RFX6: variants seen among roughly 807,000 people sequenced by gnomAD.
RFX6 encodes regulatory factor X6, also known as DNA-binding protein RFX6.
Under a neutral mutation model 110.8 loss-of-function variants are expected in RFX6, and 50 were observed. That is an observed-to-expected ratio of 0.45 (90% confidence interval 0.36 to 0.57). RFX6 has a LOEUF of 0.57. RFX6 is among the 20% of genes least tolerant of loss of function. The probability of loss-of-function intolerance (pLI) is 0.00; values close to 1 mark genes in which losing one functional copy is unlikely to be tolerated. For synonymous variants in RFX6, 383 were observed against 411.2 expected (o/e 0.93, Z 0.83); for missense variants, 990 against 1,127.0 (o/e 0.88, Z 1.74).
intron 2 of RFX6, among the ~76,000 whole-genome samples, chr6:116,878,153 A>G (rs1009361179): frequency 3.9e-5 from 6 of 152,232 alleles, no homozygotes; most frequent in Non-Finnish European, 5.9e-5. Flanking sequence ...AGGATTTGCA[A>G]TACAAATGAA....
chr6:116,887,394 C>T (rs1454801289), intron 4 of RFX6, among the ~76,000 whole-genome samples: 1 of 152,132 alleles, frequency 6.6e-6, no homozygotes, highest in African/African-American at 2.4e-5. Flanking sequence ...GCTTACCATC[C>T]CCTGCCAGCC....
chr6:116,898,328 G>A (rs956127525), intron 6 of RFX6, among the ~76,000 whole-genome samples: 4 of 151,932 alleles, frequency 2.6e-5, no homozygotes, highest in African/African-American at 9.7e-5. Flanking sequence ...TGGGATTTGG[G>A]ATTTTTTGTT....
At chr6:116,915,508 C>T (rs2114692679) in intron 7 of RFX6, among the ~76,000 whole-genome samples, 1 of 152,006 alleles carries the variant, frequency 6.6e-6, no homozygotes, top group East Asian at 1.9e-4. Flanking sequence ...AGGTGGGCAC[C>T]CAAGTTGAGC....
At chr6:116,897,675 T>C (rs1467009482) in intron 6 of RFX6, among the ~76,000 whole-genome samples, 2 of 152,176 alleles carry the variant, frequency 1.3e-5, no homozygotes, top group Non-Finnish European at 2.9e-5. Flanking sequence ...AGTAGATCCA[T>C]TGGAGGCTAT....
intron 4 of RFX6, among the ~76,000 whole-genome samples, chr6:116,889,038 T>C (rs1774761181): frequency 6.6e-6 from 1 of 152,118 alleles, no homozygotes; most frequent in Non-Finnish European, 1.5e-5. Flanking sequence ...TTTTGTTGGC[T>C]CCAGAAGAAA....
intron 6 of RFX6, among the ~76,000 whole-genome samples, chr6:116,905,545 CAA>C: frequency 6.6e-6 from 1 of 150,988 alleles, no homozygotes; most frequent in Admixed American, 6.6e-5. Context: ...CTTTTATGAA[CAA>C]AAGTGTTTCT....
Position 116,915,999 on chromosome 6 carries a change from T to G in RFX6, c.781-9T>G. The G allele has an allele frequency of 1.9e-6, 3 of 1,597,174 alleles. No homozygotes were observed. Among genetic ancestry groups the G allele is most frequent in the Non-Finnish European group, 2.6e-6 (3 of 1,165,424 alleles). On this transcript the variant is annotated splice_polypyrimidine_tract_variant and intron_variant, in intron 7 of 18. Coordinates refer to ENST00000332958, the MANE Select transcript of RFX6 (RefSeq NM_173560.4). The stretch of plus-strand genomic sequence containing the variant: ...ATGCTTTGGTTAAGCTTTTTCTTCC[T>G]TGAAATAGGTTGATACGCTCATAAT...
intron 7 of RFX6, among the ~76,000 whole-genome samples, chr6:116,915,646 TTAC>T (rs1775445272): frequency 6.6e-6 from 1 of 152,124 alleles, no homozygotes; most frequent in Non-Finnish European, 1.5e-5. Context: ...GTTACTACTT[TTAC>T]TACTTTATGT....
chr6:116,900,398 G>C (rs532827946), intron 6 of RFX6, among the ~76,000 whole-genome samples: 1 of 152,110 alleles, frequency 6.6e-6, no homozygotes, highest in Non-Finnish European at 1.5e-5. Context: ...GGGATTACAG[G>C]CGTGCGCCGC....
In RFX6 at chr6:116,882,430, T is replaced by C; in HGVS notation, c.566+2T>C. The C allele has an allele frequency of 6.2e-7, 1 of 1,606,674 alleles. No homozygotes were observed. The highest frequency in any genetic ancestry group is 8.5e-7 in the Non-Finnish European group (1 of 1,173,412). On this transcript the variant is annotated splice_donor_variant, in intron 4 of 18. Coordinates refer to ENST00000332958, the MANE Select transcript of RFX6 (RefSeq NM_173560.4). LOFTEE classifies it high-confidence loss of function. ...GCTTGGAACAAGAGGCCATTCAAAGTAAGATACCAGTGAACATATTCAGGT... is the reference window on the plus strand; with the variant it reads ...GCTTGGAACAAGAGGCCATTCAAAGCAAGATACCAGTGAACATATTCAGGT...
intron 12 of RFX6, 67 bp from the exon 13 acceptor site, chr6:116,921,975 C>A: frequency 1.3e-6 from 1 of 765,878 alleles, no homozygotes; most frequent in South Asian, 1.5e-5. Context: ...TAGGTTTTCT[C>A]TTGGATTCCA....
At chr6:116,920,265 T>G (rs1775563653) in intron 11 of RFX6, 45 bp from the exon 12 acceptor site, 1 of 1,505,820 alleles carries the variant, frequency 6.6e-7, no homozygotes, top group African/African-American at 1.4e-5. Context: ...TCTAGATACA[T>G]TAGAAATGAT....
Position 116,928,860 on chromosome 6 carries a change from T to C in RFX6, c.2500T>C (p.Tyr834His), listed in dbSNP as rs369287340. 6.2e-7 allele frequency: 1 copy of C among 1,612,418 alleles called. No individual in the cohort carries two copies. The highest frequency in any genetic ancestry group is 1.3e-5 in the African/African-American group (1 of 74,890). The change falls in exon 18 of 19, where the codon TAC becomes CAC. Residue 834 changes from tyrosine (Y) to histidine (H), a missense_variant. Tyr to His is a moderately conservative substitution (Grantham distance 83). Coordinates refer to ENST00000332958, the MANE Select transcript of RFX6 (RefSeq NM_173560.4). ...CAGCAGCATTCGTTCACTGCCCCCC[T>C]ACAGTGACATCCACGATCCACTTAA... ...VISSIRSLPP[Y>H]SDIHDPLNIL...
rs1413815672 is a variant in RFX6, at chr6:116,910,918, A to C, written c.673-17A>C. 3.2e-6 allele frequency: 5 copies of C among 1,564,734 alleles called. No homozygotes were observed. Among genetic ancestry groups the C allele is most frequent in the Non-Finnish European group, 4.4e-6 (5 of 1,135,394 alleles). ...AGTTGATAATGATGTATTTGTTTTC[A>C]TTTTTCTAAATTATAGGGTGGCTTC... On this transcript the variant is annotated splice_polypyrimidine_tract_variant and intron_variant, in intron 6 of 18. Transcript: ENST00000332958.
chr6:116,931,060 G>A (rs1476144954), intron 18 of RFX6, among the ~76,000 whole-genome samples: 2 of 152,026 alleles, frequency 1.3e-5, no homozygotes, highest in African/African-American at 4.8e-5. Context: ...GGAAAGAGGA[G>A]GTTGATTGGG....
intron 3 of RFX6, 105 bp downstream of exon 3, chr6:116,880,772 C>G: frequency 7.8e-7 from 1 of 1,289,592 alleles, no homozygotes; most frequent in Non-Finnish European, 1.1e-6. Context: ...AATATTGAGA[C>G]ATTTGTTTTG....
Position 116,931,664 on chromosome 6 carries a change from T to A in RFX6, c.*158T>A. 1 of 609,916 alleles carries A rather than the reference T, an allele frequency of 1.6e-6. No individual in the cohort carries two copies. The allele number at this position is 609,916 out of a possible 1,614,324, so 37.8% of individuals were successfully genotyped here. A position where few individuals can be genotyped will look rare whatever the true frequency, so the allele number is the denominator to read the frequency against. On this transcript the variant is annotated 3_prime_UTR_variant, in exon 19 of 19. Transcript: ENST00000332958. ...GTACTATGGACAACTCCATAGTGAA[T>A]GGAGATACTTGCAGAGCTTGTCATG...
intron 15 of RFX6, 121 bp downstream of exon 15, chr6:116,924,912 C>T (rs888673071): frequency 1.3e-4 from 94 of 733,656 alleles, no homozygotes; most frequent in Middle Eastern, 3.8e-4. Flanking sequence ...CCAAACATGT[C>T]ATTACTAATT....
intron 6 of RFX6, among the ~76,000 whole-genome samples, chr6:116,907,007 T>C (rs1274491257): frequency 6.6e-6 from 1 of 152,084 alleles, no homozygotes; most frequent in Non-Finnish European, 1.5e-5. Flanking sequence ...TATAGGTTTT[T>C]CATAAACAAC....
Sources: allele counts gnomAD v4.1 joint callset (sites outside exome capture counted in the v4.1 genomes callset), GRCh38; gene constraint gnomAD v4.1.1; transcripts MANE v1.5; gene names NCBI Gene and HGNC (gene_info 2026-07-23, HGNC 2026-07-21).